The following TRMT11 variants were observed in gnomAD, a reference collection of about 807,000 sequenced individuals.
TRMT11 encodes tRNA methyltransferase 11.
Under a neutral mutation model 62.8 loss-of-function variants are expected in TRMT11, and 53 were observed. The observed-to-expected ratio is 0.84, with a 90% confidence interval of 0.68 to 1.06. TRMT11 has a LOEUF of 1.06. Among genes scored for constraint, TRMT11 ranks in the 50% least tolerant of loss-of-function variants. TRMT11 has a pLI of 0.00. For missense variants in TRMT11, 556 were observed against 553.4 expected, an observed-to-expected ratio of 1.00 and a Z score of -0.05; for synonymous variants, 188 against 190.3, an observed-to-expected ratio of 0.99 and a Z score of 0.10.
chr6:126,002,714 C>T (rs1792713184), intron 7 of TRMT11, among the ~76,000 whole-genome samples: 2 of 152,078 alleles, frequency 1.3e-5, no homozygotes, highest in African/African-American at 2.4e-5. Context: ...CAGAACTACA[C>T]AAGAAGTGGT....
intron 21 of TRMT11, among the ~76,000 whole-genome samples, chr6:126,133,044 C>G (rs1368126295): frequency 6.6e-6 from 1 of 151,838 alleles, no homozygotes; most frequent in Non-Finnish European, 1.5e-5. Flanking sequence ...CTCCACAAAA[C>G]CCATTTTATA....
intron 21 of TRMT11, among the ~76,000 whole-genome samples, chr6:126,149,103 C>T (rs1778007730): frequency 6.6e-6 from 1 of 152,158 alleles, no homozygotes; most frequent in Non-Finnish European, 1.5e-5. Context: ...ATGTAATGAC[C>T]AGAATCTGCA....
chr6:126,174,690 G>A (rs1442921059), upstream of TRMT11, among the ~76,000 whole-genome samples: 2 of 152,184 alleles, frequency 1.3e-5, no homozygotes, highest in African/African-American at 2.4e-5. Context: ...TTCAATTAAG[G>A]TTATATCTAG....
At chr6:126,161,654 C>T (rs1301332119) in intron 21 of TRMT11, among the ~76,000 whole-genome samples, 1 of 152,168 alleles carries the variant, frequency 6.6e-6, no homozygotes, top group Non-Finnish European at 1.5e-5. Flanking sequence ...GAGGAATTGC[C>T]ACTCTGTCTT....
At chr6:126,185,071 G>A (rs370837470) in intron 1 of TRMT11, among the ~76,000 whole-genome samples, 3 of 152,248 alleles carry the variant, frequency 2.0e-5, no homozygotes, top group African/African-American at 7.2e-5. Context: ...CTAATTCAAA[G>A]AGTAATTCTA....
intron 8 of TRMT11, among the ~76,000 whole-genome samples, chr6:126,009,775 A>G (rs1190085272): frequency 2.0e-5 from 3 of 152,228 alleles, no homozygotes; most frequent in South Asian, 4.1e-4. Context: ...GAATTATTCC[A>G]ATTTGCTTTT....
intron 21 of TRMT11, among the ~76,000 whole-genome samples, chr6:126,143,878 C>T (rs927429198): frequency 2.0e-5 from 3 of 152,168 alleles, no homozygotes; most frequent in East Asian, 1.9e-4. Flanking sequence ...AGGATGGGGC[C>T]GCTTGACTCA....
At chr6:126,130,549 A>G (rs1777770083) in intron 21 of TRMT11, among the ~76,000 whole-genome samples, 1 of 148,694 alleles carries the variant, frequency 6.7e-6, no homozygotes, top group South Asian at 2.1e-4. Context: ...GATAATGGAT[A>G]AAACGCAGAG....
chr6:126,197,587 C>T (rs1446936885), intron 1 of TRMT11, among the ~76,000 whole-genome samples: 1 of 152,092 alleles, frequency 6.6e-6, no homozygotes, highest in East Asian at 1.9e-4. Flanking sequence ...TCTGTATATT[C>T]CTCAGATTCC....
the TRMT11 span, among the ~76,000 whole-genome samples, chr6:126,227,329 T>G: frequency 2.0e-5 from 3 of 152,148 alleles, no homozygotes; most frequent in Non-Finnish European, 4.4e-5. Context: ...TAGTTTTCCC[T>G]TTTCTGAGTG....
chr6:126,016,778 C>T (rs1444429705), intron 11 of TRMT11, among the ~76,000 whole-genome samples: 3 of 151,066 alleles, frequency 2.0e-5, no homozygotes, highest in East Asian at 3.9e-4. Context: ...TGTGGGAAGA[C>T]AATGGTGGCA....
intron 12 of TRMT11, among the ~76,000 whole-genome samples, chr6:126,034,237 A>T (rs1774747282): frequency 6.6e-6 from 1 of 152,172 alleles, no homozygotes; most frequent in Non-Finnish European, 1.5e-5. Context: ...AGATTATTTA[A>T]ACTCTTTAGC....
chr6:126,151,970 C>CTT (rs1562335037), intron 21 of TRMT11, among the ~76,000 whole-genome samples: 1,175 of 17,140 alleles, frequency 0.069, 99 homozygotes, highest in African/African-American at 0.095. Flanking sequence ...TCTTTCTTTC[C>CTT]TCTCTCTCTC....
At chr6:126,156,611 T>C (rs1441645353) in intron 21 of TRMT11, among the ~76,000 whole-genome samples, 1 of 152,174 alleles carries the variant, frequency 6.6e-6, no homozygotes, top group Non-Finnish European at 1.5e-5. Context: ...AAATGGCTCA[T>C]GATTCTGCAG....
intron 17 of TRMT11, among the ~76,000 whole-genome samples, chr6:126,094,189 T>G (rs1247301987): frequency 6.6e-6 from 1 of 152,136 alleles, no homozygotes; most frequent in African/African-American, 2.4e-5. Flanking sequence ...GGGTGTATTC[T>G]CCTAACTATA....
At chr6:126,024,702 A>G (rs766367562) in intron 12 of TRMT11, among the ~76,000 whole-genome samples, 1 of 152,184 alleles carries the variant, frequency 6.6e-6, no homozygotes, top group Non-Finnish European at 1.5e-5. Flanking sequence ...ATTCCATTAC[A>G]CTAACCATCA....
At chr6:126,181,356 G>A (rs1778465022) in intron 1 of TRMT11, among the ~76,000 whole-genome samples, 2 of 152,168 alleles carry the variant, frequency 1.3e-5, no homozygotes, top group African/African-American at 4.8e-5. Flanking sequence ...AAGTGCATGT[G>A]ATAATTGTTA....
chr6:126,262,276 C>A, the TRMT11 span, among the ~76,000 whole-genome samples: 3 of 152,184 alleles, frequency 2.0e-5, no homozygotes, highest in Admixed American at 1.3e-4. Flanking sequence ...CATGAACTTG[C>A]CGTCCAGCCA....
intron 21 of TRMT11, among the ~76,000 whole-genome samples, chr6:126,139,245 T>C (rs1016051437): frequency 2.6e-5 from 4 of 152,072 alleles, no homozygotes; most frequent in Non-Finnish European, 5.9e-5. Flanking sequence ...AAAAATATTA[T>C]AGGTATGGCT....
Sources: gnomAD v4.1 joint callset for allele counts (sites outside exome capture counted in the v4.1 genomes callset) on GRCh38, gnomAD v4.1.1 for gene constraint, MANE v1.5 for transcripts, NCBI Gene and HGNC (gene_info 2026-07-23, HGNC 2026-07-21) for gene names.